RBKS: variants seen among roughly 807,000 people sequenced by gnomAD.
RBKS encodes the protein ribokinase.
RBKS carries 33 observed loss-of-function variants against 33.9 expected under a neutral mutation model. The observed-to-expected ratio is 0.97, with a 90% CI of 0.74 to 1.30. The LOEUF is 1.30. Ranked by LOEUF, RBKS falls within the 50% of genes most tolerant of loss-of-function variation. The pLI, the probability that RBKS is intolerant of heterozygous loss-of-function variation, is 0.00. For missense variants in RBKS, 361 were observed against 392.6 expected, an observed-to-expected ratio of 0.92 and a Z score of 0.68; for synonymous variants, 125 against 143.0, an observed-to-expected ratio of 0.87 and a Z score of 0.90.
intron 7 of RBKS, among the ~76,000 whole-genome samples, chr2:27,798,562 C>T (rs912850592): frequency 6.6e-6 from 1 of 152,164 alleles, no homozygotes; most frequent in Admixed American, 6.5e-5. Flanking sequence ...GTAATGTTCA[C>T]ATCACCTCAC....
chr2:27,874,358 A>C (rs1294614269), intron 1 of RBKS, among the ~76,000 whole-genome samples: 1 of 152,198 alleles, frequency 6.6e-6, no homozygotes, highest in East Asian at 1.9e-4. Context: ...CCCTGTCCTC[A>C]CTTAGCTTAC....
chr2:27,800,786 G>C (rs1665781729), intron 7 of RBKS, among the ~76,000 whole-genome samples: 1 of 152,210 alleles, frequency 6.6e-6, no homozygotes, highest in Admixed American at 6.5e-5. Context: ...TGCACTTGGA[G>C]CCAGGAAGAG....
chr2:27,824,349 TAA>T (rs755468154), intron 7 of RBKS, among the ~76,000 whole-genome samples: 9 of 152,230 alleles, frequency 5.9e-5, no homozygotes, highest in Non-Finnish European at 1.3e-4. Context: ...TACTCTAAAG[TAA>T]AACTCCTTAC....
At chr2:27,884,254 TA>T (rs996234433) in intron 1 of RBKS, among the ~76,000 whole-genome samples, 2 of 152,188 alleles carry the variant, frequency 1.3e-5, no homozygotes, top group South Asian at 2.1e-4. Flanking sequence ...AACTCTCTTT[TA>T]TTTTTTTATG....
At chr2:27,869,428 C>T (rs1224073016) in intron 1 of RBKS, among the ~76,000 whole-genome samples, 1 of 152,150 alleles carries the variant, frequency 6.6e-6, no homozygotes, top group African/African-American at 2.4e-5. Context: ...AGAGAGCATA[C>T]AATTTCATGG....
In RBKS at chr2:27,890,309, C is replaced by T; in HGVS notation, c.37G>A (p.Glu13Lys). The stretch of plus-strand genomic sequence containing the variant: ...ACCACTACCACCGCCGCCACCTCCT[C>T]TTGCCACTGCCTCTGGGGTTCCCCA... ...ASGEPQRQWQ[E>K]EVAAVVVVGS... The change falls in exon 1 of 8, where the codon GAG (glutamate) becomes AAG (lysine). Residue 13 changes from glutamate (E) to lysine (K), a missense_variant. Glu to Lys is a moderately conservative substitution (Grantham distance 56). Coordinates refer to ENST00000302188, the MANE Select transcript of RBKS (RefSeq NM_022128.3). This position sits in a 1 kb window ranked among gnomAD's most constrained non-coding sequence, Gnocchi z 4.8. The T allele has an allele frequency of 6.2e-7, 1 of 1,613,924 alleles. No individual in the cohort carries two copies. Among genetic ancestry groups the T allele is most frequent in the Non-Finnish European group, 8.5e-7 (1 of 1,180,022 alleles).
At chr2:27,859,202 T>C (rs966753409) in intron 1 of RBKS, among the ~76,000 whole-genome samples, 4 of 152,198 alleles carry the variant, frequency 2.6e-5, no homozygotes, top group African/African-American at 9.7e-5. Flanking sequence ...GTGTCTATTT[T>C]AAAAAAGGAA....
At chr2:27,830,097 T>C (rs1475030780) in intron 6 of RBKS, among the ~76,000 whole-genome samples, 2 of 152,202 alleles carry the variant, frequency 1.3e-5, no homozygotes, top group Non-Finnish European at 2.9e-5. Flanking sequence ...TGTGAGGCTG[T>C]TCCATTTCTG....
chr2:27,843,277 G>T, intron 4 of RBKS, 46 bp from the exon 5 acceptor site: 1 of 1,434,694 alleles, frequency 7.0e-7, no homozygotes. Flanking sequence ...ACAAAGCCAA[G>T]CAAATGATAT....
chr2:27,808,856 C>T (rs766735735), intron 7 of RBKS, among the ~76,000 whole-genome samples: 19 of 152,346 alleles, frequency 1.2e-4, no homozygotes, highest in Non-Finnish European at 2.4e-4. Flanking sequence ...ACCCTCGGCC[C>T]AAGCCTGAGC....
intron 7 of RBKS, among the ~76,000 whole-genome samples, chr2:27,782,344 A>G (rs1057292503): frequency 6.6e-6 from 1 of 151,468 alleles, no homozygotes; most frequent in African/African-American, 2.4e-5. Context: ...ACACTTAGCT[A>G]ATTTTTAAAA....
intron 7 of RBKS, among the ~76,000 whole-genome samples, chr2:27,793,057 T>A (rs1677568421): frequency 6.6e-6 from 1 of 152,214 alleles, no homozygotes; most frequent in Admixed American, 6.5e-5. Flanking sequence ...CAAAAGCAAT[T>A]TACTTAAAGG....
intron 7 of RBKS, among the ~76,000 whole-genome samples, chr2:27,821,237 T>C (rs752026607): frequency 3.0e-4 from 45 of 152,244 alleles, no homozygotes; most frequent in South Asian, 8.3e-4. Context: ...TATTTTAATG[T>C]GTATAATCCT....
intron 7 of RBKS, among the ~76,000 whole-genome samples, chr2:27,811,776 C>CTTAT (rs1475861160): frequency 6.6e-6 from 1 of 152,186 alleles, no homozygotes; most frequent in Non-Finnish European, 1.5e-5. Context: ...AGAGCATAAA[C>CTTAT]TATGGCCATC....
At chr2:27,850,417 C>T (rs1663718300) in intron 2 of RBKS, among the ~76,000 whole-genome samples, 1 of 152,178 alleles carries the variant, frequency 6.6e-6, no homozygotes, top group Non-Finnish European at 1.5e-5. Flanking sequence ...GTCATATACC[C>T]ACCATTATAG....
chr2:27,820,493 A>C (rs1319455489), intron 7 of RBKS, among the ~76,000 whole-genome samples: 1 of 151,714 alleles, frequency 6.6e-6, no homozygotes, highest in South Asian at 2.1e-4. Flanking sequence ...TTCTTGTACA[A>C]ATATTTGTGT....
intron 7 of RBKS, 141 bp downstream of exon 7, chr2:27,827,426 C>T (rs1678332859): frequency 1.5e-6 from 1 of 660,848 alleles, no homozygotes; most frequent in Admixed American, 3.8e-5. Context: ...ATACAGTTCC[C>T]CTGCCTGGTT....
intron 7 of RBKS, among the ~76,000 whole-genome samples, chr2:27,824,394 C>T (rs545159500): frequency 2.4e-4 from 37 of 152,282 alleles, no homozygotes; most frequent in African/African-American, 8.7e-4. Context: ...TCCTCCTCCC[C>T]CTAGTCCCTA....
intron 1 of RBKS, chr2:27,861,596 T>C (rs896172662): frequency 6.4e-6 from 3 of 465,876 alleles, no homozygotes; most frequent in African/African-American, 6.2e-5. Flanking sequence ...CTAACCCTGA[T>C]GCAAGTAATA....
Sources: gnomAD v4.1 joint callset for allele counts (sites outside exome capture counted in the v4.1 genomes callset) on GRCh38, gnomAD v4.1.1 for gene constraint, Gnocchi (gnomAD v3.1) non-coding constraint, MANE v1.5 for transcripts, NCBI Gene and HGNC (gene_info 2026-07-23, HGNC 2026-07-21) for gene names.